Variants in ZNF717 observed in about 807,000 individuals in gnomAD.
ZNF717 encodes krueppel-like factor X17.
In ZNF717, 9 loss-of-function variants were observed where a neutral mutation model predicts 13.8. That is an observed-to-expected ratio of 0.65 (90% confidence interval 0.39 to 1.14). ZNF717 has a LOEUF of 1.14. ZNF717 is among the 50% of genes most tolerant of loss of function. The pLI is 0.01. For missense variants in ZNF717, 1,040 were observed against 1,080.7 expected (o/e 0.96, Z 0.53); for synonymous variants, 327 against 364.1 (o/e 0.90, Z 1.16).
exon 6 of ZNF717, chr3:75,729,970 T>A (rs1405622989): frequency 6.6e-6 from 1 of 152,278 alleles, no homozygotes; most frequent in African/African-American, 2.4e-5. Context: ...ATATGTTCAC[T>A]ACAGATGCAA....
downstream of ZNF717, chr3:75,732,120 A>G (rs1287094239): frequency 1.0e-5 from 7 of 702,836 alleles, no homozygotes; most frequent in Admixed American, 2.0e-5. Flanking sequence ...TCTTGCTTCC[A>G]CCTTTGGGAA....
intron 4 of ZNF717, among the ~76,000 whole-genome samples, chr3:75,718,722 T>C (rs994408527): frequency 1.3e-5 from 2 of 152,100 alleles, no homozygotes; most frequent in Non-Finnish European, 2.9e-5. Flanking sequence ...ACATGTGCAG[T>C]TCACATTGGG....
chr3:75,729,443 C>G (rs1472216069), downstream of ZNF717, among the ~76,000 whole-genome samples: 3 of 152,164 alleles, frequency 2.0e-5, no homozygotes, highest in African/African-American at 7.2e-5. Flanking sequence ...TGGAGAATCC[C>G]CATCTCTACT....
downstream of ZNF717, among the ~76,000 whole-genome samples, chr3:75,731,179 C>A (rs1938518717): frequency 6.6e-6 from 1 of 152,176 alleles, no homozygotes; most frequent in African/African-American, 2.4e-5. Context: ...GAGTTTCAGA[C>A]CAACCTGGCC....
intron 2 of ZNF717, among the ~76,000 whole-genome samples, chr3:75,774,098 T>A (rs1327214923): frequency 6.6e-6 from 1 of 152,002 alleles, no homozygotes; most frequent in Non-Finnish European, 1.5e-5. Flanking sequence ...TTATGAAAAA[T>A]TGGGTGACAT....
intron 5 of ZNF717, among the ~76,000 whole-genome samples, chr3:75,713,759 A>C (rs73114916): frequency 6.6e-6 from 1 of 152,138 alleles, no homozygotes; most frequent in Non-Finnish European, 1.5e-5. Flanking sequence ...GACAAAGAGA[A>C]AGAAGAAAAG....
chr3:75,785,231 G>T (rs544317675), intron 1 of ZNF717, among the ~76,000 whole-genome samples, 153 bp downstream of exon 1: 4 of 152,316 alleles, frequency 2.6e-5, no homozygotes, highest in African/African-American at 9.6e-5. Flanking sequence ...GTTGGTAACC[G>T]GCTCCCTCAG....
downstream of ZNF717, among the ~76,000 whole-genome samples, chr3:75,734,992 A>AT (rs113558662): frequency 6.6e-6 from 1 of 150,668 alleles, no homozygotes; most frequent in Non-Finnish European, 1.5e-5. Context: ...CGTCCAGCTA[A>AT]TTTTTTGTAT....
At chr3:75,783,536 G>A (rs1352368663) in intron 1 of ZNF717, among the ~76,000 whole-genome samples, 172 bp from the exon 2 acceptor site, 3 of 152,226 alleles carry the variant, frequency 2.0e-5, no homozygotes, top group Non-Finnish European at 2.9e-5. Context: ...GGGCAGCAAA[G>A]ACTCAAGATA....
intron 2 of ZNF717, among the ~76,000 whole-genome samples, chr3:75,765,231 G>A (rs1943369908): frequency 6.6e-6 from 1 of 151,546 alleles, no homozygotes; most frequent in Non-Finnish European, 1.5e-5. Flanking sequence ...TGGAAGGAGG[G>A]GGAAATTAAT....
intron 2 of ZNF717, among the ~76,000 whole-genome samples, chr3:75,742,025 A>C (rs1197339458): frequency 6.6e-6 from 1 of 152,262 alleles, no homozygotes; most frequent in Non-Finnish European, 1.5e-5. Flanking sequence ...AGAAGGAGTA[A>C]TCACAGTAGA....
At chr3:75,767,331 G>A (rs1943559905) in intron 2 of ZNF717, among the ~76,000 whole-genome samples, 2 of 151,924 alleles carry the variant, frequency 1.3e-5, no homozygotes, top group African/African-American at 2.4e-5. Flanking sequence ...GCAACTATGT[G>A]TGAGATGAGC....
At chr3:75,722,589 C>T (rs1436332538) in intron 4 of ZNF717, among the ~76,000 whole-genome samples, 126 of 151,888 alleles carry the variant, frequency 8.3e-4, no homozygotes, top group Middle Eastern at 3.4e-3. Context: ...CTGAGGCGGG[C>T]GGATCACTTG....
intron 2 of ZNF717, among the ~76,000 whole-genome samples, chr3:75,764,990 G>GATATAGATAT (rs1943325721): frequency 2.0e-5 from 2 of 102,296 alleles, no homozygotes; most frequent in African/African-American, 8.9e-5. Context: ...TAAACAAAAG[G>GATATAGATAT]ATATATATAT....
intron 2 of ZNF717, among the ~76,000 whole-genome samples, chr3:75,750,600 C>T (rs935566131): frequency 4.6e-5 from 7 of 151,588 alleles, no homozygotes; most frequent in African/African-American, 1.5e-4. Context: ...AAATGTTTGC[C>T]CCTCCAACAG....
rs111361124 is a variant in ZNF717, at chr3:75,758,112, CAAAAA to C, written c.58-16381_58-16377del. ...CTCCAGCCCAGGCAAGACTCCATCT[CAAAAA>C]AAAAAAAAAAAAAAAAAAAGAGAGA... On this transcript the variant is annotated intron_variant, in intron 2 of 4. Coordinates refer to ENST00000652011, the MANE Select transcript of ZNF717 (RefSeq NM_001290208.3). Among the ~76,000 whole-genome samples the C allele has an allele frequency of 5.3e-3, 343 of 64,528 alleles. 3 individuals carry two copies. In the East Asian group the frequency reaches 0.069, roughly 13 times the overall value. The allele number at this position is 64,528 out of a possible 152,430, so 42.3% of individuals were successfully genotyped here. A position where few individuals can be genotyped will look rare whatever the true frequency, so the allele number is the denominator to read the frequency against.
At chr3:75,703,690 C>T (rs1171648276) in intron 6 of ZNF717, among the ~76,000 whole-genome samples, 1 of 152,280 alleles carries the variant, frequency 6.6e-6, no homozygotes, top group Non-Finnish European at 1.5e-5. Flanking sequence ...CTGTTTTCTG[C>T]CATTTTGGTA....
intron 2 of ZNF717, among the ~76,000 whole-genome samples, chr3:75,765,974 T>G (rs1559663971): frequency 6.6e-6 from 1 of 152,012 alleles, no homozygotes; most frequent in Non-Finnish European, 1.5e-5. Context: ...CCAGGTATGG[T>G]GCCATGCACC....
intron 6 of ZNF717, among the ~76,000 whole-genome samples, chr3:75,695,957 A>C (rs1937598545): frequency 6.6e-6 from 1 of 152,236 alleles, no homozygotes; most frequent in Non-Finnish European, 1.5e-5. Context: ...ATTAGAAGAA[A>C]TAATAAAGAT....
Sources: gnomAD v4.1 joint callset for allele counts (sites outside exome capture counted in the v4.1 genomes callset) on GRCh38, gnomAD v4.1.1 for gene constraint, MANE v1.5 for transcripts, NCBI Gene and HGNC (gene_info 2026-07-23, HGNC 2026-07-21) for gene names.